Variants in HYCC1 observed in about 807,000 individuals in gnomAD.
HYCC1 encodes the protein hyccin.
the HYCC1 span, among the ~76,000 whole-genome samples, chr7:22,911,268 T>G: frequency 6.6e-6 from 1 of 152,304 alleles, no homozygotes; most frequent in East Asian, 1.9e-4. Flanking sequence ...GCTGGTTTTG[T>G]TTTGGCTCAT....
At chr7:22,902,546 A>G in the HYCC1 span, among the ~76,000 whole-genome samples, 1 of 152,134 alleles carries the variant, frequency 6.6e-6, no homozygotes, top group Admixed American at 6.5e-5. Flanking sequence ...CCTGAGCTAC[A>G]GTAACAAACC....
the HYCC1 span, chr7:22,945,923 T>C: frequency 3.1e-6 from 5 of 1,613,852 alleles, no homozygotes; most frequent in South Asian, 1.1e-5. Flanking sequence ...TTGGGCTCTC[T>C]GAGTTTGTTT....
At chr7:22,994,303 A>G in the HYCC1 span, among the ~76,000 whole-genome samples, 1 of 152,348 alleles carries the variant, frequency 6.6e-6, no homozygotes, top group African/African-American at 2.4e-5. Context: ...GTGTTGGATA[A>G]AAGAATGCAG....
the HYCC1 span, among the ~76,000 whole-genome samples, chr7:22,931,592 G>A: frequency 6.6e-6 from 1 of 152,126 alleles, no homozygotes; most frequent in African/African-American, 2.4e-5. Context: ...GTGGAAATAT[G>A]GGCATTAAAG....
chr7:22,946,290 T>C, the HYCC1 span: 1 of 727,082 alleles, frequency 1.4e-6, no homozygotes, highest in Non-Finnish European at 2.2e-6. Context: ...AGCAACAGAT[T>C]ATAGAAAATC....
At chr7:22,973,001 T>C in the HYCC1 span, among the ~76,000 whole-genome samples, 1 of 152,238 alleles carries the variant, frequency 6.6e-6, no homozygotes. Context: ...CCATGAATTT[T>C]TTCTGGTTGT....
At chr7:22,955,193 A>G in the HYCC1 span, among the ~76,000 whole-genome samples, 1 of 151,658 alleles carries the variant, frequency 6.6e-6, no homozygotes, top group South Asian at 2.1e-4. Flanking sequence ...ACTCAAATTG[A>G]GAAAATCCAA....
the HYCC1 span, among the ~76,000 whole-genome samples, chr7:22,963,971 G>A: frequency 2.0e-5 from 3 of 152,040 alleles, no homozygotes; most frequent in Non-Finnish European, 2.9e-5. Flanking sequence ...CAGACTGAGC[G>A]CCAATATTAG....
the HYCC1 span, among the ~76,000 whole-genome samples, chr7:22,913,488 T>A: frequency 3.3e-5 from 5 of 152,178 alleles, no homozygotes; most frequent in Non-Finnish European, 5.9e-5. Flanking sequence ...AGCCCAAGCC[T>A]GCGTGTATAC....
chr7:22,996,710 T>C, the HYCC1 span, among the ~76,000 whole-genome samples: 1 of 150,620 alleles, frequency 6.6e-6, no homozygotes, highest in Non-Finnish European at 1.5e-5. Flanking sequence ...AAAAGCAAAC[T>C]GGCCACAAAA....
At chr7:22,983,914 G>C in the HYCC1 span, 1 of 1,260,168 alleles carries the variant, frequency 7.9e-7, no homozygotes, top group African/African-American at 1.5e-5. Context: ...AGTCAATACT[G>C]TTAGCACAAT....
chr7:22,903,341 G>GA, the HYCC1 span, among the ~76,000 whole-genome samples: 14 of 147,650 alleles, frequency 9.5e-5, no homozygotes, highest in African/African-American at 3.2e-4. Context: ...TTCTTGTAAT[G>GA]AAAAAAAAAG....
At chr7:22,926,739 C>CT in the HYCC1 span, among the ~76,000 whole-genome samples, 1 of 151,230 alleles carries the variant, frequency 6.6e-6, no homozygotes, top group Non-Finnish European at 1.5e-5. Context: ...TAATGGGAGA[C>CT]TTTAACACCC....
the HYCC1 span, among the ~76,000 whole-genome samples, chr7:23,012,786 T>C: frequency 6.6e-6 from 1 of 152,204 alleles, no homozygotes; most frequent in Non-Finnish European, 1.5e-5. Flanking sequence ...CTCCCAGTCT[T>C]TCTGACTTTA....
At chr7:22,948,986 T>C in the HYCC1 span, among the ~76,000 whole-genome samples, 2 of 151,848 alleles carry the variant, frequency 1.3e-5, no homozygotes, top group African/African-American at 4.8e-5. Context: ...CACTGTGGAG[T>C]GACAGCCAAG....
chr7:23,011,191 T>C, the HYCC1 span, among the ~76,000 whole-genome samples: 1 of 152,220 alleles, frequency 6.6e-6, no homozygotes, highest in African/African-American at 2.4e-5. Context: ...ACTTCTGCTA[T>C]TTATGAGAGT....
the HYCC1 span, among the ~76,000 whole-genome samples, chr7:23,007,549 T>C: frequency 6.6e-6 from 1 of 152,150 alleles, no homozygotes; most frequent in Non-Finnish European, 1.5e-5. Context: ...CTATTTCAAA[T>C]CTTCCAAGGA....
the HYCC1 span, among the ~76,000 whole-genome samples, chr7:22,932,323 G>A: frequency 6.6e-6 from 1 of 152,138 alleles, no homozygotes; most frequent in African/African-American, 2.4e-5. Context: ...TCCAAGGACT[G>A]AGCCATGGAT....
the HYCC1 span, among the ~76,000 whole-genome samples, chr7:23,013,447 C>A: frequency 6.6e-6 from 1 of 152,184 alleles, no homozygotes; most frequent in Non-Finnish European, 1.5e-5. Flanking sequence ...GCGGCCTCGC[C>A]GAAGTAGAGG....
Sources: allele counts gnomAD v4.1 joint callset (sites outside exome capture counted in the v4.1 genomes callset), GRCh38; gene constraint gnomAD v4.1.1; transcripts MANE v1.5; gene names NCBI Gene and HGNC (gene_info 2026-07-23, HGNC 2026-07-21).